Variants in LRCH2 observed in about 807,000 individuals in gnomAD.
LRCH2 encodes leucine-rich repeat and calponin homology domain-containing protein 2.
Under a neutral mutation model 68.9 loss-of-function variants are expected in LRCH2, and 38 were observed. The observed-to-expected ratio is 0.55, with a 90% CI of 0.43 to 0.72. The LOEUF (loss-of-function observed/expected upper bound fraction) is 0.72. Among genes scored for constraint, LRCH2 ranks in the 30% least tolerant of loss-of-function variants. The pLI is 0.00. For missense variants in LRCH2, 528 were observed against 572.9 expected (o/e 0.92, Z 0.80); for synonymous variants, 191 against 208.1 (o/e 0.92, Z 0.71).
chrX:115,122,463 A>G (rs1164964623), intron 20 of LRCH2, 64 bp downstream of exon 20: 3 of 924,914 alleles, frequency 3.2e-6, no homozygotes, highest in Non-Finnish European at 4.6e-6. Context: ...TCTAAGAAGA[A>G]CCCCAGTTTG....
chrX:115,157,968 T>C (rs1180121942), intron 11 of LRCH2, among the ~76,000 whole-genome samples: 1 of 111,431 alleles, frequency 9.0e-6, no homozygotes, highest in African/African-American at 3.3e-5. Flanking sequence ...CAATATATTT[T>C]ATGTACTTGA....
chrX:115,162,585 T>C (rs1419471286), intron 11 of LRCH2, among the ~76,000 whole-genome samples: 1 of 112,184 alleles, frequency 8.9e-6, no homozygotes, highest in Non-Finnish European at 1.9e-5. Context: ...TAGTATGATT[T>C]TGTATATCTA....
rs781986706 is a variant in LRCH2, at chrX:115,191,881, G to A, written c.350-3511C>T. 4.6e-5 allele frequency: 54 copies of A among 1,162,695 alleles called. No individual in the cohort carries two copies. In the African/African-American group the frequency reaches 9.2e-4, roughly 20 times the overall value. ...TTCCAGCCGGAACGACCCCTGCAGA[G>A]GAGGAGGCCGCTACGAGGAGAACCG... On this transcript the variant is annotated intron_variant, in intron 1 of 20. Coordinates refer to ENST00000317135, the MANE Select transcript of LRCH2 (RefSeq NM_020871.4).
intron 1 of LRCH2, among the ~76,000 whole-genome samples, chrX:115,227,164 CTA>C (rs1273843899): frequency 9.1e-6 from 1 of 110,448 alleles, no homozygotes; most frequent in Non-Finnish European, 1.9e-5. Flanking sequence ...TGCTGCAGGA[CTA>C]TAGTCCAAGC....
chrX:115,225,714 A>AT (rs1259127727), intron 1 of LRCH2, among the ~76,000 whole-genome samples: 2 of 111,549 alleles, frequency 1.8e-5, no homozygotes, highest in African/African-American at 6.5e-5. Flanking sequence ...TATAAGGAGT[A>AT]TTTTTTTAAA....
chrX:115,196,861 C>A lies in LRCH2; in HGVS notation c.350-8491G>T, dbSNP rs782816469. Among the ~76,000 whole-genome samples, 4 of 110,884 alleles carry A rather than the reference C, an allele frequency of 3.6e-5. No individual in the cohort carries two copies. The East Asian group carries it at 1.1e-3, about 31-fold the overall frequency. ...AGCCACCCAGATGCCCAAACATGAG[C>A]CTGCCTGGAAACTGCCAACACAGGA... On this transcript the variant is annotated intron_variant, in intron 1 of 20. Coordinates refer to ENST00000317135, the MANE Select transcript of LRCH2 (RefSeq NM_020871.4).
intron 1 of LRCH2, among the ~76,000 whole-genome samples, chrX:115,215,938 G>T (rs1240048201): frequency 9.0e-6 from 1 of 111,105 alleles, no homozygotes; most frequent in African/African-American, 3.3e-5. Flanking sequence ...GTGAATCAAG[G>T]TCCTTAAAAC....
At chrX:115,129,115 G>A (rs782674378) in intron 15 of LRCH2, among the ~76,000 whole-genome samples, 1 of 111,963 alleles carries the variant, frequency 8.9e-6, no homozygotes, top group Non-Finnish European at 1.9e-5. Context: ...GTAGGAAGAT[G>A]GATAAAATAT....
At chrX:115,190,086 C>T (rs1556556786) in intron 1 of LRCH2, 19 of 1,154,384 alleles carry the variant, frequency 1.6e-5, no homozygotes, top group Non-Finnish European at 2.2e-5. Flanking sequence ...GCCTGGCTCG[C>T]ATTGGCGGCA....
At chrX:115,122,444 A>G (rs2072151648) in intron 20 of LRCH2, 83 bp downstream of exon 20, 1 of 762,642 alleles carries the variant, frequency 1.3e-6, no homozygotes, top group African/African-American at 2.1e-5. Flanking sequence ...AGAAAGCATT[A>G]TTCATTGCTC....
rs188563894 is a variant in LRCH2 at position 115,125,628 on chromosome X, T to C, written c.1791+1215A>G. ...ATACGTATATATATATGTATATATATACATATATATACATATATATATACA... is the reference window on the plus strand; with the variant it reads ...ATACGTATATATATATGTATATATACACATATATATACATATATATATACA... On this transcript the variant is annotated intron_variant, in intron 16 of 20. Coordinates refer to ENST00000317135, the MANE Select transcript of LRCH2 (RefSeq NM_020871.4). Among the ~76,000 whole-genome samples the C allele has an allele frequency of 1.6e-3, 117 of 75,290 alleles. 20 individuals are homozygous for C. The highest frequency in any genetic ancestry group is 2.4e-3 in the South Asian group (4 of 1,650). 65.4% of individuals were successfully genotyped at this position (75,290 alleles called of 115,157 possible).
chrX:115,166,392 A>G, intron 6 of LRCH2, 50 bp from the exon 7 acceptor site: 1 of 842,903 alleles, frequency 1.2e-6, no homozygotes, highest in Non-Finnish European at 1.7e-6. Context: ...TCTTAAATAG[A>G]TAATGCACAT....
chrX:115,141,103 T>C (rs1333148521), intron 14 of LRCH2, among the ~76,000 whole-genome samples: 1 of 107,444 alleles, frequency 9.3e-6, no homozygotes, highest in African/African-American at 3.4e-5. Flanking sequence ...CCAGGCATAG[T>C]GGCGGGTGCC....
Position 115,192,193 on chromosome X carries a change from G to A in LRCH2, c.350-3823C>T, listed in dbSNP as rs1330513381. 2.4e-5 allele frequency: 28 copies of A among 1,164,199 alleles called. No homozygotes were observed. The highest frequency in any genetic ancestry group is 3.2e-5 in the Non-Finnish European group (28 of 872,310). On this transcript the variant is annotated intron_variant, in intron 1 of 20. Transcript: ENST00000317135. ...AGGAGGCTGCTACGAGGAATACCAA[G>A]GCCGCTCGCCCAATGCCTACGGCGG...
intron 11 of LRCH2, among the ~76,000 whole-genome samples, chrX:115,157,963 T>A (rs12844807): frequency 0.1 from 11,332 of 110,826 alleles, 792 homozygotes; most frequent in African/African-American, 0.24. Context: ...CTATACAATA[T>A]ATTTTATGTA....
intron 11 of LRCH2, among the ~76,000 whole-genome samples, chrX:115,157,812 A>T (rs1186802766): frequency 1.8e-5 from 2 of 110,102 alleles, no homozygotes; most frequent in Non-Finnish European, 3.8e-5. Context: ...TTTCAGAATT[A>T]TTGCAGGGGA....
chrX:115,169,610 T>A (rs2072590335), intron 6 of LRCH2, among the ~76,000 whole-genome samples: 1 of 111,704 alleles, frequency 9.0e-6, no homozygotes, highest in Non-Finnish European at 1.9e-5. Flanking sequence ...AAAATTTATA[T>A]ATATGCAATG....
Position 115,113,245 on chromosome X carries a change from T to G in LRCH2, c.2269A>C (p.Thr757Pro). The G allele has an allele frequency of 8.3e-7, 1 of 1,197,813 alleles. No homozygotes were observed. ...TVQALLELPT[T>P]KASQLSVA is the part of the protein sequence containing the mutation. ...GCCACAGAAAGCTGAGATGCCTTGG[T>G]TGTTGGTAATTCAAGGAGCGCCTGA... Residue 757 changes from threonine (T) to proline (P), a missense_variant, in exon 21 of 21, where the codon ACC becomes CCC. By Grantham distance (38) the Thr-to-Pro change is conservative. Coordinates refer to ENST00000317135, the MANE Select transcript of LRCH2 (RefSeq NM_020871.4).
At position 115,112,170 on chromosome X, in the gene LRCH2, A is replaced by C. The variant is rs1037269974; in HGVS notation, c.*1046T>G. On this transcript the variant is annotated 3_prime_UTR_variant, in exon 21 of 21. Coordinates refer to ENST00000317135, the MANE Select transcript of LRCH2 (RefSeq NM_020871.4). Reference sequence around the variant, plus strand: ...GATTTTGAGTAAAAACCTATTCCTCAACTGCTGCTCTCTGAGTATAGCTAA... The same window carrying C: ...GATTTTGAGTAAAAACCTATTCCTCCACTGCTGCTCTCTGAGTATAGCTAA... 32 of 111,403 alleles carry C rather than the reference A, an allele frequency of 2.9e-4. No homozygotes were observed. The highest frequency in any genetic ancestry group is 9.1e-4 in the African/African-American group (28 of 30,759). The allele number at this position is 111,403 out of a possible 1,213,427, so 9.2% of individuals were successfully genotyped here.
Sources: gnomAD v4.1 joint callset for allele counts (sites outside exome capture counted in the v4.1 genomes callset) on GRCh38, gnomAD v4.1.1 for gene constraint, MANE v1.5 for transcripts, NCBI Gene and HGNC (gene_info 2026-07-23, HGNC 2026-07-21) for gene names.